BABAM2: variants seen among roughly 807,000 people sequenced by gnomAD.
BABAM2 encodes the protein BRISC and BRCA1-A complex member 2.
BABAM2 carries 31 observed loss-of-function variants against 54.7 expected under a neutral mutation model. The observed-to-expected ratio is 0.57, with a 90% CI of 0.43 to 0.77. The LOEUF (loss-of-function observed/expected upper bound fraction) is 0.77, where lower values mean the gene tolerates loss of function less well. Among genes scored for constraint, BABAM2 ranks in the 30% least tolerant of loss-of-function variants. BABAM2 has a pLI of 0.00. For synonymous variants in BABAM2, 167 were observed against 162.9 expected (o/e 1.03, Z -0.19); for missense variants, 364 against 455.8 (o/e 0.80, Z 1.83).
intron 5 of BABAM2, among the ~76,000 whole-genome samples, chr2:28,030,073 C>G (rs548897402): frequency 6.6e-6 from 1 of 152,176 alleles, no homozygotes; most frequent in South Asian, 2.1e-4. Flanking sequence ...TTAGAATTTG[C>G]CTTCCTGTCT....
At chr2:28,105,763 G>A (rs565798693) in intron 6 of BABAM2, among the ~76,000 whole-genome samples, 1 of 152,284 alleles carries the variant, frequency 6.6e-6, no homozygotes, top group South Asian at 2.1e-4. Flanking sequence ...CCAGGATCCA[G>A]TGGAGATTAT....
intron 4 of BABAM2, among the ~76,000 whole-genome samples, chr2:27,994,043 A>T (rs1342157529): frequency 2.0e-5 from 3 of 152,168 alleles, no homozygotes; most frequent in Non-Finnish European, 4.4e-5. Flanking sequence ...ACATATTTTA[A>T]AATAGAATGT....
intron 3 of BABAM2, among the ~76,000 whole-genome samples, chr2:27,951,402 G>A (rs896225424): frequency 3.9e-5 from 6 of 151,938 alleles, no homozygotes; most frequent in Non-Finnish European, 8.8e-5. Context: ...GAGTTATTTA[G>A]AAATATGTTA....
chr2:28,043,808 A>G (rs1254925961), intron 5 of BABAM2, among the ~76,000 whole-genome samples: 1 of 152,214 alleles, frequency 6.6e-6, no homozygotes, highest in Non-Finnish European at 1.5e-5. Context: ...CCCACCCACC[A>G]TGATGAGCTA....
At chr2:28,208,979 C>G (rs570128013) in intron 7 of BABAM2, among the ~76,000 whole-genome samples, 10 of 152,292 alleles carry the variant, frequency 6.6e-5, no homozygotes, top group Admixed American at 2.0e-4. Flanking sequence ...ACTCTGCCTT[C>G]AGGCTTGGTG....
chr2:27,911,625 G>C (rs932448971), intron 2 of BABAM2, among the ~76,000 whole-genome samples: 6 of 152,082 alleles, frequency 3.9e-5, no homozygotes, highest in African/African-American at 1.2e-4. Context: ...TGGACTTCAA[G>C]GTATCATTAC....
At chr2:28,132,208 C>T (rs1204159619) in intron 7 of BABAM2, among the ~76,000 whole-genome samples, 5 of 151,018 alleles carry the variant, frequency 3.3e-5, no homozygotes, top group East Asian at 1.9e-4. Context: ...GCACCATCTC[C>T]GCTCACTGCA....
intron 7 of BABAM2, among the ~76,000 whole-genome samples, chr2:28,184,248 C>CT (rs1675993054): frequency 1.4e-5 from 1 of 71,862 alleles, no homozygotes; most frequent in Non-Finnish European, 3.0e-5. Flanking sequence ...GTCTCTCTCT[C>CT]TCCCTCCCTC....
chr2:28,069,539 T>A (rs1663927134), intron 6 of BABAM2, among the ~76,000 whole-genome samples: 1 of 152,210 alleles, frequency 6.6e-6, no homozygotes, highest in Admixed American at 6.5e-5. Flanking sequence ...AGCTTAGTTC[T>A]TCCTAAATTC....
intron 11 of BABAM2, among the ~76,000 whole-genome samples, chr2:28,303,774 A>G (rs1169138226): frequency 6.6e-6 from 1 of 152,158 alleles, no homozygotes; most frequent in Non-Finnish European, 1.5e-5. Flanking sequence ...ACAATACTGA[A>G]TCTTTTATAA....
At chr2:27,893,021 A>G (rs1035851541) in intron 1 of BABAM2, among the ~76,000 whole-genome samples, 1 of 152,206 alleles carries the variant, frequency 6.6e-6, no homozygotes, top group African/African-American at 2.4e-5. Flanking sequence ...AATAAACTGA[A>G]ACAGGTTTTA....
intron 7 of BABAM2, among the ~76,000 whole-genome samples, chr2:28,168,576 G>A (rs1673974566): frequency 6.6e-6 from 1 of 152,190 alleles, no homozygotes; most frequent in African/African-American, 2.4e-5. Flanking sequence ...TAAAAAGGAA[G>A]TGGTTATGGC....
intron 6 of BABAM2, among the ~76,000 whole-genome samples, chr2:28,071,071 T>A (rs1302006403): frequency 6.6e-6 from 1 of 152,072 alleles, no homozygotes; most frequent in Non-Finnish European, 1.5e-5. Context: ...ATTAGAGAGT[T>A]CTTCCTTCTC....
chr2:28,114,449 G>A (rs1267015931), intron 6 of BABAM2, among the ~76,000 whole-genome samples: 2 of 152,068 alleles, frequency 1.3e-5, no homozygotes, highest in African/African-American at 4.8e-5. Flanking sequence ...TCCTCATAGG[G>A]CTCTTGATAA....
chr2:28,057,753 G>C (rs1055598769), intron 6 of BABAM2, among the ~76,000 whole-genome samples: 1 of 152,160 alleles, frequency 6.6e-6, no homozygotes, highest in Non-Finnish European at 1.5e-5. Context: ...ACAAAATTTA[G>C]TAGGTTGGTG....
At chr2:27,964,254 A>C (rs771883028) in intron 3 of BABAM2, among the ~76,000 whole-genome samples, 69 of 152,126 alleles carry the variant, frequency 4.5e-4, no homozygotes, top group Non-Finnish European at 4.1e-4. Context: ...CCTCACTAGA[A>C]GCTACCACAC....
chr2:27,934,052 T>A (rs1668312636), intron 3 of BABAM2, among the ~76,000 whole-genome samples: 1 of 152,170 alleles, frequency 6.6e-6, no homozygotes, highest in African/African-American at 2.4e-5. Flanking sequence ...TTTATTGTGC[T>A]TCAACAAGGA....
intron 7 of BABAM2, among the ~76,000 whole-genome samples, chr2:28,136,877 A>C (rs761960797): frequency 3.3e-5 from 5 of 152,204 alleles, no homozygotes; most frequent in African/African-American, 4.8e-5. Context: ...AATTAAAATA[A>C]TACTACTTAA....
intron 2 of BABAM2, among the ~76,000 whole-genome samples, chr2:27,918,424 T>G (rs1667129455): frequency 2.6e-5 from 4 of 152,158 alleles, no homozygotes; most frequent in Non-Finnish European, 1.5e-5. Context: ...TCCTTCCTTT[T>G]TAAGGCTGGA....
Sources: gnomAD v4.1 joint callset for allele counts (sites outside exome capture counted in the v4.1 genomes callset) on GRCh38, gnomAD v4.1.1 for gene constraint, MANE v1.5 for transcripts, NCBI Gene and HGNC (gene_info 2026-07-23, HGNC 2026-07-21) for gene names.